ARHGAP22: variants seen among roughly 807,000 people sequenced by gnomAD.
The protein encoded by ARHGAP22 is Rho GTPase activating protein 22.
Under a neutral mutation model 59.1 loss-of-function variants are expected in ARHGAP22, and 48 were observed. That is an observed-to-expected ratio of 0.81 (90% CI 0.64 to 1.03). ARHGAP22 has a LOEUF of 1.03. Among genes scored for constraint, ARHGAP22 ranks in the 50% least tolerant of loss-of-function variants. ARHGAP22 has a pLI of 0.00. For synonymous variants in ARHGAP22, 445 were observed against 416.4 expected (o/e 1.07, Z -0.84); for missense variants, 1,015 against 958.7 (o/e 1.06, Z -0.78).
intron 3 of ARHGAP22, among the ~76,000 whole-genome samples, chr10:48,553,234 G>A (rs930780116): frequency 6.6e-5 from 10 of 152,188 alleles, no homozygotes; most frequent in East Asian, 5.8e-4. Flanking sequence ...CCCACCACCC[G>A]TCCCGCTCTC....
intron 1 of ARHGAP22, among the ~76,000 whole-genome samples, chr10:48,611,006 T>G (rs2060862660): frequency 1.3e-5 from 2 of 152,332 alleles, no homozygotes; most frequent in Middle Eastern, 3.4e-3. Context: ...ATTTTAAGCC[T>G]CTGTAAATGT....
At chr10:48,537,762 A>C (rs1010873140) in intron 3 of ARHGAP22, among the ~76,000 whole-genome samples, 2 of 152,224 alleles carry the variant, frequency 1.3e-5, no homozygotes, top group African/African-American at 4.8e-5. Flanking sequence ...GCGGCACCGG[A>C]AGTCCCAGGG....
At chr10:48,463,898 C>T (rs1471614588) in intron 4 of ARHGAP22, among the ~76,000 whole-genome samples, 1 of 152,228 alleles carries the variant, frequency 6.6e-6, no homozygotes, top group African/African-American at 2.4e-5. Flanking sequence ...CAGCCCCACC[C>T]TCAGCTCACA....
intron 3 of ARHGAP22, among the ~76,000 whole-genome samples, chr10:48,485,099 T>C (rs560529857): frequency 6.6e-6 from 1 of 152,348 alleles, no homozygotes; most frequent in African/African-American, 2.4e-5. Context: ...GTAAACTTCA[T>C]TTACAAAAAC....
intron 1 of ARHGAP22, among the ~76,000 whole-genome samples, chr10:48,587,896 A>G (rs952876941): frequency 2.0e-5 from 3 of 152,226 alleles, no homozygotes; most frequent in African/African-American, 4.8e-5. Context: ...TCCTCTGAGC[A>G]CTGCTGCACC....
At chr10:48,567,322 T>C (rs1423688704) in intron 2 of ARHGAP22, among the ~76,000 whole-genome samples, 1 of 152,194 alleles carries the variant, frequency 6.6e-6, no homozygotes, top group Admixed American at 6.5e-5. Context: ...AACATTCTAA[T>C]GCCTGCGACC....
intron 5 of ARHGAP22, among the ~76,000 whole-genome samples, 185 bp downstream of exon 5, chr10:48,459,499 T>C (rs1441858610): frequency 6.6e-6 from 1 of 152,098 alleles, no homozygotes; most frequent in Non-Finnish European, 1.5e-5. Flanking sequence ...ATGGCAGGCA[T>C]CCATCCTGAG....
chr10:48,454,606 T>C (rs2046309536), intron 6 of ARHGAP22, among the ~76,000 whole-genome samples: 1 of 152,178 alleles, frequency 6.6e-6, no homozygotes, highest in Admixed American at 6.5e-5. Flanking sequence ...TCAAATTCTT[T>C]TGGGAAGGAA....
chr10:48,523,944 G>C (rs2054071409), intron 3 of ARHGAP22: 1 of 929,708 alleles, frequency 1.1e-6, no homozygotes, highest in Non-Finnish European at 1.4e-6. Context: ...TTCCAAAGCT[G>C]AGGCAGGTGC....
At chr10:48,613,276 G>A (rs1276962817) in intron 1 of ARHGAP22, among the ~76,000 whole-genome samples, 1 of 152,056 alleles carries the variant, frequency 6.6e-6, no homozygotes, top group African/African-American at 2.4e-5. Flanking sequence ...GACAGAAACT[G>A]TTTTCTTGGA....
In ARHGAP22 at chr10:48,593,562, G is replaced by A. The variant is rs147095823; in HGVS notation, c.35-10410C>T. Among the ~76,000 whole-genome samples, 786 of 152,360 alleles carry A rather than the reference G, an allele frequency of 5.2e-3. 3 individuals are homozygous for A. Among genetic ancestry groups the A allele is most frequent in the African/African-American group, 0.012 (494 of 41,584 alleles). ...TGGAAGACAAACACTGTGATACAGC[G>A]ACAGTGCATCTGACAGCTGAGATGG... On this transcript the variant is annotated intron_variant, in intron 1 of 9. Coordinates refer to ENST00000249601, the MANE Select transcript of ARHGAP22 (RefSeq NM_021226.4).
chr10:48,632,706 C>T lies in ARHGAP22; in HGVS notation c.52+19528G>A, dbSNP rs75134498. ...GCACACAGGTCTTCACAAGACCAGCCTCACTTCCAACACCAACTGCAAATT... is the reference window on the plus strand; with the variant it reads ...GCACACAGGTCTTCACAAGACCAGCTTCACTTCCAACACCAACTGCAAATT... On this transcript the variant is annotated intron_variant, in intron 1 of 9. Transcript: ENST00000435790. Among the ~76,000 whole-genome samples the T allele has an allele frequency of 8.3e-3, 1,267 of 152,318 alleles. 20 individuals are homozygous for T. Among genetic ancestry groups the T allele is most frequent in the African/African-American group, 0.029 (1,207 of 41,566 alleles).
intron 4 of ARHGAP22, among the ~76,000 whole-genome samples, chr10:48,462,062 T>A (rs985512601): frequency 2.0e-5 from 3 of 152,186 alleles, no homozygotes; most frequent in African/African-American, 7.2e-5. Context: ...TGAGAACACA[T>A]GCCCGCGTGG....
chr10:48,611,157 G>A (rs1315723096), intron 1 of ARHGAP22, among the ~76,000 whole-genome samples: 1 of 152,238 alleles, frequency 6.6e-6, no homozygotes, highest in Non-Finnish European at 1.5e-5. Flanking sequence ...GGGGAAGCTT[G>A]TATTAGAGTG....
intron 3 of ARHGAP22, among the ~76,000 whole-genome samples, chr10:48,514,800 C>A (rs760331203): frequency 6.6e-6 from 1 of 152,120 alleles, no homozygotes; most frequent in African/African-American, 2.4e-5. Context: ...ATGGCACCAA[C>A]GAGTCAGGCA....
At chr10:48,542,188 G>A (rs2135130807) in intron 3 of ARHGAP22, among the ~76,000 whole-genome samples, 1 of 152,282 alleles carries the variant, frequency 6.6e-6, no homozygotes, top group African/African-American at 2.4e-5. Context: ...TGCAGGAAGA[G>A]ACCAGCAAGG....
Position 48,459,327 on chromosome 10 carries a change from C to T in ARHGAP22, c.659+357G>A, listed in dbSNP as rs182183911. On this transcript the variant is annotated intron_variant, in intron 5 of 9. Coordinates refer to ENST00000249601, the MANE Select transcript of ARHGAP22 (RefSeq NM_021226.4). The stretch of plus-strand genomic sequence containing the variant: ...TGGGGGTAGGTCACCGGAGGAAGCA[C>T]GGCCAAGAGACAGACCCCGCAGAAG... Among the ~76,000 whole-genome samples the T allele has an allele frequency of 4.9e-5, 7 of 143,756 alleles. No homozygotes were observed. In the East Asian group the frequency reaches 6.4e-4, roughly 13 times the overall value. 94.3% of individuals were successfully genotyped at this position (143,756 alleles called of 152,430 possible).
At chr10:48,498,108 A>G (rs941290622) in intron 3 of ARHGAP22, among the ~76,000 whole-genome samples, 1 of 152,088 alleles carries the variant, frequency 6.6e-6, no homozygotes, top group African/African-American at 2.4e-5. Context: ...TGCGGGTAAC[A>G]TCTACCTTGG....
At chr10:48,537,596 GCC>G (rs1360081242) in intron 3 of ARHGAP22, among the ~76,000 whole-genome samples, 1 of 152,200 alleles carries the variant, frequency 6.6e-6, no homozygotes, top group Non-Finnish European at 1.5e-5. Context: ...TCTGCCAAGG[GCC>G]TGCAAAGGTC....
Sources: gnomAD v4.1 joint callset for allele counts (sites outside exome capture counted in the v4.1 genomes callset) on GRCh38, gnomAD v4.1.1 for gene constraint, MANE v1.5 for transcripts, NCBI Gene and HGNC (gene_info 2026-07-23, HGNC 2026-07-21) for gene names.